Variants in VIL1 observed in about 807,000 individuals in gnomAD.
The protein encoded by VIL1 is villin 1, also known as villin-1.
A neutral mutation model predicts 104.0 loss-of-function variants in VIL1; 86 were observed. The observed-to-expected ratio is 0.83, with a 90% CI of 0.69 to 0.99. The LOEUF (loss-of-function observed/expected upper bound fraction) is 0.99. VIL1 is among the 50% of genes least tolerant of loss of function. VIL1 has a pLI of 0.00. For missense variants in VIL1, 944 were observed against 1,054.1 expected, an observed-to-expected ratio of 0.90 and a Z score of 1.45; for synonymous variants, 394 against 412.6, an observed-to-expected ratio of 0.95 and a Z score of 0.55.
Position 218,429,917 on chromosome 2 carries a change from G to A in VIL1, c.918G>A (p.Gln306=), listed in dbSNP as rs1470692795. Reference sequence around the variant, plus strand: ...GGAAAGGGAAGAAAGCCAATGAGCAGGAGAAGAAGGGAGCCATGAGCCATG... The same window carrying A: ...GGAAAGGGAAGAAAGCCAATGAGCAAGAGAAGAAGGGAGCCATGAGCCATG... ...YVWKGKKANE[Q]EKKGAMSHAL... is the part of the protein sequence containing the mutation. The change falls in exon 9 of 20, where the codon CAG becomes CAA. Residue 306 remains glutamine, a synonymous_variant. Transcript: ENST00000248444. 3.7e-6 allele frequency: 6 copies of A among 1,613,664 alleles called. No individual in the cohort carries two copies. Among genetic ancestry groups the A allele is most frequent in the Non-Finnish European group, 2.5e-6 (3 of 1,179,890 alleles).
chr2:218,430,661 G>A, intron 9 of VIL1, 64 bp from the exon 10 acceptor site: 2 of 1,519,698 alleles, frequency 1.3e-6, no homozygotes, highest in Non-Finnish European at 1.8e-6. Context: ...GCTAGGTTTT[G>A]GCTTGCATTG....
chr2:218,440,353 T>A (rs1167691467), intron 18 of VIL1, among the ~76,000 whole-genome samples: 2 of 152,148 alleles, frequency 1.3e-5, no homozygotes, highest in Admixed American at 1.3e-4. Context: ...CACTGCAACC[T>A]CCACCTCCCA....
intron 2 of VIL1, 126 bp from the exon 3 acceptor site, chr2:218,424,150 CT>C: frequency 1.2e-6 from 1 of 810,582 alleles, no homozygotes; most frequent in South Asian, 1.6e-5. Flanking sequence ...TCCTCTCTTC[CT>C]TTTCTCTCCT....
chr2:218,438,707 A>G lies in VIL1; in HGVS notation c.2210A>G (p.Asp737Gly). ...AAGGCGGAGCTTGGCAACTCTAGGG[A>G]CTGGAGCCAGATCACTGCTGTGAGT... ...DLKAELGNSR[D>G]WSQITAEVTS... is the part of the protein sequence containing the mutation. The change falls in exon 18 of 20, where the codon GAC becomes GGC. Residue 737 changes from aspartate (D) to glycine (G), a missense_variant. Coordinates refer to ENST00000248444, the MANE Select transcript of VIL1 (RefSeq NM_007127.3). 9 of 1,612,306 alleles carry G rather than the reference A, an allele frequency of 5.6e-6. No homozygotes were observed. The highest frequency in any genetic ancestry group is 1.3e-5 in the African/African-American group (1 of 75,030).
rs891042178 is a variant in VIL1, at chr2:218,424,333, C to T, written c.132C>T (p.Asp44=). The T allele has an allele frequency of 1.9e-6, 3 of 1,613,990 alleles. No individual in the cohort carries two copies. Among genetic ancestry groups the T allele is most frequent in the Non-Finnish European group, 2.5e-6 (3 of 1,180,024 alleles). Reference sequence around the variant, plus strand: ...CCTTTGGAAGCTTCTTCGATGGTGACTGCTACATCATCCTGGCTGTGAGTC... The same window carrying T: ...CCTTTGGAAGCTTCTTCGATGGTGATTGCTACATCATCCTGGCTGTGAGTC... The part of the protein sequence containing the change: ...SSTFGSFFDG[D]CYIILAIHKT... The change falls in exon 3 of 20, where the codon GAC becomes GAT. Residue 44 remains aspartate, a synonymous_variant. Coordinates refer to ENST00000248444, the MANE Select transcript of VIL1 (RefSeq NM_007127.3).
At chr2:218,440,903 T>G in intron 19 of VIL1, 41 bp downstream of exon 19, 1 of 1,610,784 alleles carries the variant, frequency 6.2e-7, no homozygotes, top group Non-Finnish European at 8.5e-7. Flanking sequence ...AGTCCATTTG[T>G]TGGACCACCA....
intron 17 of VIL1, among the ~76,000 whole-genome samples, chr2:218,438,448 C>T (rs751907079): frequency 3.7e-4 from 56 of 152,238 alleles, no homozygotes; most frequent in Admixed American, 1.3e-4. Context: ...CTGCGCTCCA[C>T]TTTTCTGATC....
At chr2:218,420,892 AT>A (rs1226658773) in intron 1 of VIL1, among the ~76,000 whole-genome samples, 3 of 152,078 alleles carry the variant, frequency 2.0e-5, no homozygotes, top group African/African-American at 7.2e-5. Flanking sequence ...GCCCATGAGT[AT>A]TTGTTGAGCA....
In VIL1 at chr2:218,449,886, G is replaced by A. The variant is rs1689441270; in HGVS notation, c.*550G>A. On this transcript the variant is annotated 3_prime_UTR_variant, in exon 20 of 20. Coordinates refer to ENST00000248444, the MANE Select transcript of VIL1 (RefSeq NM_007127.3). ...CAAATTCCAAACAGTACCAGTGAGA[G>A]CAGCACTTCCACTGGGGCTAGGCTT... 1 of 153,850 alleles carries A rather than the reference G, an allele frequency of 6.5e-6. No homozygotes were observed. The highest frequency in any genetic ancestry group is 1.4e-5 in the Non-Finnish European group (1 of 69,098). The allele number at this position is 153,850 out of a possible 1,614,324, so 9.5% of individuals were successfully genotyped here.
chr2:218,430,129 C>T (rs1164415898), intron 9 of VIL1, among the ~76,000 whole-genome samples, 182 bp downstream of exon 9: 1 of 152,192 alleles, frequency 6.6e-6, no homozygotes, highest in Admixed American at 6.5e-5. Flanking sequence ...CCTGAGGGGC[C>T]ATTCTGTGGT....
At chr2:218,445,434 A>G (rs1689348817) in intron 19 of VIL1, among the ~76,000 whole-genome samples, 2 of 151,986 alleles carry the variant, frequency 1.3e-5, no homozygotes, top group Admixed American at 1.3e-4. Flanking sequence ...AAGAACCCCC[A>G]AACCAAAACC....
rs184047171 is a variant in VIL1 at position 218,449,081 on chromosome 2, C to T, written c.2371-142C>T. 5.0e-4 allele frequency: 342 copies of T among 678,230 alleles called. 2 individuals are homozygous for T. The African/African-American group carries it at 5.4e-3, about 11-fold the overall frequency. 42.0% of individuals were successfully genotyped at this position (678,230 alleles called of 1,614,324 possible). ...CTCCTCCTCTCCATCCCTTTCCTGGCTCTCCTGACACTGCTTCTGTTTACT... is the reference window on the plus strand; with the variant it reads ...CTCCTCCTCTCCATCCCTTTCCTGGTTCTCCTGACACTGCTTCTGTTTACT... On this transcript the variant is annotated intron_variant, in intron 19 of 19. Coordinates refer to ENST00000248444, the MANE Select transcript of VIL1 (RefSeq NM_007127.3).
intron 18 of VIL1, among the ~76,000 whole-genome samples, chr2:218,438,953 C>CA (rs1397564360): frequency 9.3e-6 from 1 of 107,790 alleles, no homozygotes; most frequent in African/African-American, 3.5e-5. Flanking sequence ...TTTTTTGAGA[C>CA]ACAGTTTCAC....
At chr2:218,429,174 A>AACCCC in intron 6 of VIL1, 111 bp from the exon 7 acceptor site, 1 of 1,265,980 alleles carries the variant, frequency 7.9e-7, no homozygotes, top group Non-Finnish European at 1.1e-6. Context: ...CAGGGGTCTC[A>AACCCC]ACCCCTGTGG....
Position 218,433,023 on chromosome 2 carries a change from G to T in VIL1, c.1500+72G>T. The T allele has an allele frequency of 1.9e-6, 3 of 1,588,142 alleles. No homozygotes were observed. In the South Asian group the frequency reaches 3.4e-5, roughly 18 times the overall value. Reference sequence around the variant, plus strand: ...ACAGGCATCCGGGAGATGGAGAAGGGGATGGGTGGTGGGAGCAGGGCTTGA... The same window carrying T: ...ACAGGCATCCGGGAGATGGAGAAGGTGATGGGTGGTGGGAGCAGGGCTTGA... On this transcript the variant is annotated intron_variant, in intron 13 of 19. Transcript: ENST00000248444.
intron 1 of VIL1, among the ~76,000 whole-genome samples, chr2:218,423,498 C>T (rs1305419329): frequency 6.6e-6 from 1 of 152,126 alleles, no homozygotes; most frequent in African/African-American, 2.4e-5. Flanking sequence ...GAGTAGTTCA[C>T]AGTGGGAGGG....
intron 10 of VIL1, 124 bp downstream of exon 10, chr2:218,431,002 C>T (rs889149979): frequency 7.7e-6 from 10 of 1,305,768 alleles, no homozygotes; most frequent in Non-Finnish European, 1.1e-5. Context: ...TACGCTGGCT[C>T]TGGGCTTGTC....
In VIL1 at chr2:218,449,571, A is replaced by C; in HGVS notation, c.*235A>C. Reference sequence around the variant, plus strand: ...CTTCTAAGGTCGCTAGATTGTTTCTATCCTGAGGTATTGCATCAATTTTAA... The same window carrying C: ...CTTCTAAGGTCGCTAGATTGTTTCTCTCCTGAGGTATTGCATCAATTTTAA... On this transcript the variant is annotated 3_prime_UTR_variant, in exon 20 of 20. Transcript: ENST00000248444. The C allele has an allele frequency of 2.4e-6, 1 of 418,158 alleles. No individual in the cohort carries two copies. The highest frequency in any genetic ancestry group is 4.5e-6 in the Non-Finnish European group (1 of 223,048). The allele number at this position is 418,158 out of a possible 1,614,324, so 25.9% of individuals were successfully genotyped here.
chr2:218,451,155 G>T lies in VIL1; in HGVS notation c.*1819G>T, dbSNP rs2106400016. 6.6e-6 allele frequency: 1 copy of T among 152,206 alleles called. No homozygotes were observed. The highest frequency in any genetic ancestry group is 1.9e-4 in the East Asian group (1 of 5,202). 9.4% of individuals were successfully genotyped at this position (152,206 alleles called of 1,614,324 possible). On this transcript the variant is annotated 3_prime_UTR_variant, in exon 20 of 20. Transcript: ENST00000248444. Reference sequence around the variant, plus strand: ...TGCAATAAAAAGATGTTGGAGGGCAGAAGTCTATTTAGTTTTTGTATACAC... The same window carrying T: ...TGCAATAAAAAGATGTTGGAGGGCATAAGTCTATTTAGTTTTTGTATACAC...
Sources: gnomAD v4.1 joint callset for allele counts (sites outside exome capture counted in the v4.1 genomes callset) on GRCh38, gnomAD v4.1.1 for gene constraint, MANE v1.5 for transcripts, NCBI Gene and HGNC (gene_info 2026-07-23, HGNC 2026-07-21) for gene names.